Variants in RIPOR2 observed in about 807,000 individuals in gnomAD.
RIPOR2 encodes rho family-interacting cell polarization regulator 2.
In RIPOR2, 39 loss-of-function variants were observed where a neutral mutation model predicts 114.5. That is an observed-to-expected ratio of 0.34 (90% CI 0.26 to 0.44). RIPOR2 has a LOEUF of 0.44. Ranked by LOEUF, RIPOR2 falls within the 20% of genes least tolerant of loss-of-function variation. RIPOR2 has a pLI of 1.00. For missense variants in RIPOR2, 1,007 were observed against 1,255.1 expected, an observed-to-expected ratio of 0.80 and a Z score of 2.99; for synonymous variants, 445 against 484.4, an observed-to-expected ratio of 0.92 and a Z score of 1.07.
intron 1 of RIPOR2, among the ~76,000 whole-genome samples, chr6:25,013,741 A>G (rs1252193639): frequency 6.6e-6 from 1 of 152,214 alleles, no homozygotes; most frequent in Non-Finnish European, 1.5e-5. Flanking sequence ...TATAATTAAT[A>G]TCAAATTTTC....
At chr6:25,031,731 ATATATATATATATATATAT>A (rs1450189361) in intron 1 of RIPOR2, among the ~76,000 whole-genome samples, 1,157 of 110,610 alleles carry the variant, frequency 0.01, 44 homozygotes, top group African/African-American at 0.033. Flanking sequence ...ATATATATAT[ATATATATATATATATATAT>A]AAAATATCCA....
chr6:25,034,957 A>G (rs1016667868), intron 1 of RIPOR2, among the ~76,000 whole-genome samples: 1 of 152,230 alleles, frequency 6.6e-6, no homozygotes, highest in Non-Finnish European at 1.5e-5. Flanking sequence ...CATGGATTTA[A>G]TCATTCAGGC....
chr6:24,818,739 A>G (rs1321448168), intron 19 of RIPOR2, 114 bp from the exon 20 acceptor site: 9 of 506,506 alleles, frequency 1.8e-5, no homozygotes, highest in Non-Finnish European at 3.1e-5. Context: ...CACATTTTGC[A>G]CTACCTTCAG....
chr6:24,860,439 C>T (rs1763965582), intron 8 of RIPOR2, among the ~76,000 whole-genome samples: 1 of 152,082 alleles, frequency 6.6e-6, no homozygotes, highest in Non-Finnish European at 1.5e-5. Flanking sequence ...ATCAAATGTA[C>T]AAGGCATTTT....
intron 1 of RIPOR2, among the ~76,000 whole-genome samples, chr6:24,993,363 T>G (rs1380406709): frequency 1.3e-5 from 2 of 152,222 alleles, no homozygotes; most frequent in African/African-American, 4.8e-5. Flanking sequence ...TCCCCTTTCT[T>G]GGTTTGAAAT....
chr6:24,848,061 G>C lies in RIPOR2; in HGVS notation c.1128C>G (p.Thr376=). ...GGTCTTTGAAGGTGGGCGTTTCCGG[G>C]GTACCCTGGCTGTACATGGACATTC... The part of the protein sequence containing the change: ...QRRMSMYSQG[T]PETPTFKDHS... Residue 376 remains threonine (T), a synonymous_variant, in exon 12 of 22, where the codon ACC becomes ACG. Transcript: ENST00000643898. 2 of 1,613,934 alleles carry C rather than the reference G, an allele frequency of 1.2e-6. No homozygotes were observed.
At chr6:24,882,574 A>G (rs189523293) in intron 1 of RIPOR2, among the ~76,000 whole-genome samples, 4 of 152,360 alleles carry the variant, frequency 2.6e-5, no homozygotes, top group Admixed American at 2.0e-4. Flanking sequence ...CCTCTCCTGT[A>G]TTAGGAAAAC....
intron 1 of RIPOR2, among the ~76,000 whole-genome samples, chr6:25,031,450 G>T (rs1400355699): frequency 3.3e-5 from 5 of 151,574 alleles, no homozygotes; most frequent in Admixed American, 2.0e-4. Context: ...ATAGGTGTTT[G>T]TCAAGACTCA....
At position 24,828,338 on chromosome 6, in the gene RIPOR2, CCATT is replaced by C. The variant is rs10666595; in HGVS notation, c.2507-47_2507-44del. The C allele has an allele frequency of 0.36, 428,636 of 1,200,940 alleles. 75,026 individuals carry two copies. Among genetic ancestry groups the C allele is most frequent in the Non-Finnish European group, 0.39 (355,991 of 904,512 alleles). 74.4% of individuals were successfully genotyped at this position (1,200,940 alleles called of 1,614,324 possible). A position where few individuals can be genotyped will look rare whatever the true frequency, so the allele number is the denominator to read the frequency against. ...ACACAAAGCAGCTTTAGATAGATGA[CCATT>C]CATTCATTCATTCATTCAATAATTT... On this transcript the variant is annotated intron_variant, in intron 17 of 21. Transcript: ENST00000643898.
rs374664249 is a variant in RIPOR2 at position 24,854,154 on chromosome 6, C to G, written c.716-1536G>C. 3.1e-4 allele frequency among the ~76,000 whole-genome samples: 47 copies of G among 149,942 alleles called. 1 individual carries two copies. In the South Asian group the frequency reaches 8.9e-3, roughly 28 times the overall value. On this transcript the variant is annotated intron_variant, in intron 8 of 21. Coordinates refer to ENST00000643898, the MANE Select transcript of RIPOR2 (RefSeq NM_001286445.3). ...AAAAAAAAAAAAGAAAGAAAACACA[C>G]AGTAAATTGATATGCATCAGGGAGG...
intron 2 of RIPOR2, among the ~76,000 whole-genome samples, chr6:24,875,110 G>C (rs1250099101): frequency 6.6e-6 from 1 of 152,172 alleles, no homozygotes. Context: ...GTGCACAAAT[G>C]GGACAATACA....
At chr6:24,846,526 G>C (rs545321047) in intron 12 of RIPOR2, among the ~76,000 whole-genome samples, 24 of 151,906 alleles carry the variant, frequency 1.6e-4, no homozygotes, top group African/African-American at 5.6e-4. Context: ...GGCTGGTCTT[G>C]AACTCCTGGG....
chr6:24,944,565 C>T (rs2114185031), intron 1 of RIPOR2, among the ~76,000 whole-genome samples: 1 of 152,072 alleles, frequency 6.6e-6, no homozygotes, highest in South Asian at 2.1e-4. Flanking sequence ...ATGAAACATG[C>T]AAAGAAGCAA....
At chr6:24,936,956 A>G (rs1771843294), upstream of RIPOR2, among the ~76,000 whole-genome samples, 1 of 152,204 alleles carries the variant, frequency 6.6e-6, no homozygotes, top group African/African-American at 2.4e-5. Flanking sequence ...AGATACTCCC[A>G]GTGTTACCCT....
At chr6:24,842,355 GGATGATTATTTTGCT>G (rs1761803739) in intron 13 of RIPOR2, among the ~76,000 whole-genome samples, 1 of 151,950 alleles carries the variant, frequency 6.6e-6, no homozygotes, top group Non-Finnish European at 1.5e-5. Context: ...AGAGTAGAAT[GGATGATTATTTTGCT>G]GATGATTAAT....
At chr6:25,022,531 CATTTTTTTTTTTTTTTTTTTTTTT>C (rs1192555903) in intron 1 of RIPOR2, among the ~76,000 whole-genome samples, 4 of 64,530 alleles carry the variant, frequency 6.2e-5, no homozygotes, top group African/African-American at 1.5e-4. Context: ...TGGTACCTTC[CATTTTTTTTTTTTTTTTTTTTTTT>C]TTTTTTTTTT....
intron 1 of RIPOR2, among the ~76,000 whole-genome samples, chr6:24,950,790 C>T (rs1339196549): frequency 6.6e-6 from 1 of 152,202 alleles, no homozygotes; most frequent in Non-Finnish European, 1.5e-5. Context: ...AGCTATCTAA[C>T]AGGCGAGGTG....
In RIPOR2 at chr6:24,869,352, T is replaced by C. The variant is rs147568957; in HGVS notation, c.448-205A>G. On this transcript the variant is annotated intron_variant, in intron 5 of 21. Transcript: ENST00000643898. ...TTTTTTTTGAGATGAAGTTTCGCTC[T>C]TGTTGCCCAGGCTAGAGCACAATGG... Among the ~76,000 whole-genome samples, 21 of 151,712 alleles carry C rather than the reference T, an allele frequency of 1.4e-4. No homozygotes were observed. The East Asian group carries it at 4.1e-3, about 29-fold the overall frequency.
At chr6:24,937,913 C>T (rs2114169283), upstream of RIPOR2, among the ~76,000 whole-genome samples, 1 of 152,292 alleles carries the variant, frequency 6.6e-6, no homozygotes, top group Middle Eastern at 3.4e-3. Flanking sequence ...GGGACCTGCA[C>T]TACCTCCCTC....
Sources: allele counts gnomAD v4.1 joint callset (sites outside exome capture counted in the v4.1 genomes callset), GRCh38; gene constraint gnomAD v4.1.1; transcripts MANE v1.5; gene names NCBI Gene and HGNC (gene_info 2026-07-23, HGNC 2026-07-21).